Variants in SYT14 observed in about 807,000 individuals in gnomAD.
SYT14 encodes synaptotagmin-14.
In SYT14, 32 loss-of-function variants were observed where a neutral mutation model predicts 74.2. The observed-to-expected ratio is 0.43, with a 90% CI of 0.33 to 0.58. SYT14 has a LOEUF of 0.58. Among genes scored for constraint, SYT14 ranks in the 20% least tolerant of loss-of-function variants. The pLI, the probability that SYT14 is intolerant of heterozygous loss-of-function variation, is 0.05. For missense variants in SYT14, 791 were observed against 981.8 expected (o/e 0.81, Z 2.60); for synonymous variants, 298 against 337.7 (o/e 0.88, Z 1.29).
At chr1:209,963,515 G>T (rs2079108657) in intron 2 of SYT14, among the ~76,000 whole-genome samples, 1 of 152,120 alleles carries the variant, frequency 6.6e-6, no homozygotes, top group African/African-American at 2.4e-5. Context: ...TTACCTAAAT[G>T]AATTATATAT....
At chr1:210,161,118 C>A in exon 10 of SYT14, 1 of 1,479,918 alleles carries the variant, frequency 6.8e-7, no homozygotes, top group South Asian at 1.1e-5. Flanking sequence ...TACCAAGTCC[C>A]ATTAGAAGAG....
intron 7 of SYT14, among the ~76,000 whole-genome samples, chr1:210,125,688 A>G (rs559152904): frequency 6.6e-6 from 1 of 152,280 alleles, no homozygotes; most frequent in African/African-American, 2.4e-5. Context: ...TTCTTAAAAT[A>G]CCCAAAGTGA....
chr1:210,025,177 G>A (rs1272430526), intron 5 of SYT14, among the ~76,000 whole-genome samples: 1 of 152,162 alleles, frequency 6.6e-6, no homozygotes, highest in Non-Finnish European at 1.5e-5. Flanking sequence ...GAAGGAAGGG[G>A]ATTTGCGTCT....
At position 210,057,305 on chromosome 1, in the gene SYT14, T is replaced by C. The variant is rs142128257; in HGVS notation, c.1312+36051T>C. On this transcript the variant is annotated intron_variant, in intron 5 of 9. Coordinates refer to ENST00000637265, the Ensembl canonical transcript of SYT14. ...TAATTTGGTCATCATGCATCATGGC[T>C]GACTTTGTACCTTTGTTAATATTGT... Among the ~76,000 whole-genome samples, 494 of 152,340 alleles carry C rather than the reference T, an allele frequency of 3.2e-3. 4 individuals are homozygous for C. Among genetic ancestry groups the C allele is most frequent in the Non-Finnish European group, 4.8e-3 (329 of 68,026 alleles).
rs185703849 is a variant in SYT14 at position 210,052,478 on chromosome 1, C to T, written c.1312+31224C>T. On this transcript the variant is annotated intron_variant, in intron 5 of 9. Coordinates refer to ENST00000637265, the Ensembl canonical transcript of SYT14. ...AGGAGTTTGAGACAAGCCTGGCCAG[C>T]GTGGTGAAACCCCGTCTCTACTAAA... is the stretch of plus-strand genomic sequence containing the variant. Among the ~76,000 whole-genome samples the T allele has an allele frequency of 3.4e-3, 519 of 151,804 alleles. 2 individuals carry two copies. Among genetic ancestry groups the T allele is most frequent in the Non-Finnish European group, 5.8e-3 (397 of 67,922 alleles).
At chr1:210,147,767 A>G (rs1449989717) in intron 7 of SYT14, among the ~76,000 whole-genome samples, 1 of 152,198 alleles carries the variant, frequency 6.6e-6, no homozygotes, top group Non-Finnish European at 1.5e-5. Context: ...AAGCAGAATT[A>G]AGAGTGCTAG....
At chr1:210,109,554 G>A (rs560833849) in intron 7 of SYT14, among the ~76,000 whole-genome samples, 1 of 144,448 alleles carries the variant, frequency 6.9e-6, no homozygotes, top group East Asian at 2.1e-4. Flanking sequence ...TTCCAGCTTG[G>A]CAACAGAGCA....
intron 7 of SYT14, among the ~76,000 whole-genome samples, chr1:210,118,534 A>G (rs906281982): frequency 3.3e-5 from 5 of 151,856 alleles, no homozygotes; most frequent in Admixed American, 2.6e-4. Context: ...CTGGAGTGCA[A>G]TGGCGTGGTC....
At chr1:210,065,502 A>T (rs1236835663) in intron 5 of SYT14, among the ~76,000 whole-genome samples, 1 of 151,490 alleles carries the variant, frequency 6.6e-6, no homozygotes, top group East Asian at 1.9e-4. Flanking sequence ...GAGTCAGTTA[A>T]ACCTCTTTCC....
At chr1:210,140,630 T>G (rs996931605) in intron 7 of SYT14, among the ~76,000 whole-genome samples, 14 of 152,176 alleles carry the variant, frequency 9.2e-5, no homozygotes, top group African/African-American at 2.7e-4. Context: ...GTTTTATGGT[T>G]TTAGCTCTTA....
rs1287690111 is a variant in SYT14 at position 210,122,132 on chromosome 1, T to C, written c.2034+21671T>C. Among the ~76,000 whole-genome samples, 2 of 66,008 alleles carry C rather than the reference T, an allele frequency of 3.0e-5. 1 individual carries two copies. The highest frequency in any genetic ancestry group is 5.2e-5 in the Non-Finnish European group (2 of 38,140). The allele number at this position is 66,008 out of a possible 152,430, so 43.3% of individuals were successfully genotyped here. On this transcript the variant is annotated intron_variant, in intron 7 of 9. Transcript: ENST00000637265. ...AGCTGGGACTACAGGCGCCCGCCAC[T>C]ACGCCCGGCTAATTTTTTTGTATTT...
At chr1:210,157,201 G>A (rs959991469) in intron 8 of SYT14, among the ~76,000 whole-genome samples, 1 of 151,994 alleles carries the variant, frequency 6.6e-6, no homozygotes, top group Non-Finnish European at 1.5e-5. Context: ...CAGCACTTTA[G>A]GAGGCTGAGG....
chr1:210,141,861 C>CTT (rs1378012967), intron 7 of SYT14, among the ~76,000 whole-genome samples: 1 of 152,192 alleles, frequency 6.6e-6, no homozygotes, highest in African/African-American at 2.4e-5. Context: ...ATGCACATAG[C>CTT]TTTGCACATG....
At chr1:209,990,027 A>G (rs940268286) in intron 2 of SYT14, among the ~76,000 whole-genome samples, 8 of 152,152 alleles carry the variant, frequency 5.3e-5, no homozygotes, top group Admixed American at 3.9e-4. Flanking sequence ...ATATAAATCA[A>G]TTTTAATAAA....
intron 6 of SYT14, among the ~76,000 whole-genome samples, chr1:210,096,974 T>C (rs2081978574): frequency 6.6e-6 from 1 of 152,258 alleles, no homozygotes; most frequent in Admixed American, 6.5e-5. Context: ...TATCACACAC[T>C]GTGAGTTTTG....
chr1:209,957,459 T>C (rs1377557771), intron 2 of SYT14, among the ~76,000 whole-genome samples: 1 of 152,124 alleles, frequency 6.6e-6, no homozygotes, highest in Non-Finnish European at 1.5e-5. Flanking sequence ...ACAGTCTCGC[T>C]CTTGTCACCC....
At chr1:209,953,792 T>G (rs1348547782) in intron 2 of SYT14, among the ~76,000 whole-genome samples, 1 of 152,232 alleles carries the variant, frequency 6.6e-6, no homozygotes, top group Non-Finnish European at 1.5e-5. Flanking sequence ...CTTCCTTTAT[T>G]AAAGTATAGT....
intron 3 of SYT14, among the ~76,000 whole-genome samples, chr1:210,014,415 T>G (rs1322995271): frequency 9.9e-6 from 1 of 101,352 alleles, no homozygotes; most frequent in Non-Finnish European, 2.3e-5. Context: ...TTCCTTGGAG[T>G]GTTTTTTTTT....
Position 209,944,866 on chromosome 1 carries a change from T to C in SYT14, c.-534+6589T>C, listed in dbSNP as rs530778136. Among the ~76,000 whole-genome samples, 22 of 152,250 alleles carry C rather than the reference T, an allele frequency of 1.4e-4. No homozygotes were observed. The South Asian group carries it at 4.6e-3, about 32-fold the overall frequency. On this transcript the variant is annotated intron_variant, in intron 1 of 9. Coordinates refer to ENST00000637265, the Ensembl canonical transcript of SYT14. ...ACATGGGAGAATGCTTGAAATTCAA[T>C]GATAACTGTAGAAGAGAAGAAAACA...
Sources: allele counts gnomAD v4.1 joint callset (sites outside exome capture counted in the v4.1 genomes callset), GRCh38; gene constraint gnomAD v4.1.1; transcripts MANE v1.5; gene names NCBI Gene and HGNC (gene_info 2026-07-23, HGNC 2026-07-21).